Variants in ROBO2 observed in about 807,000 individuals in gnomAD.
ROBO2 encodes roundabout guidance receptor 2.
A neutral mutation model predicts 160.8 loss-of-function variants in ROBO2; 53 were observed. The ratio of observed to expected loss-of-function variants is 0.33; its 90% CI spans 0.26 to 0.41. The LOEUF (loss-of-function observed/expected upper bound fraction) is 0.41. Among genes scored for constraint, ROBO2 ranks in the 10% least tolerant of loss-of-function variants. ROBO2 has a pLI of 1.00. For missense variants in ROBO2, 1,577 were observed against 1,722.4 expected, an observed-to-expected ratio of 0.92 and a Z score of 1.49; for synonymous variants, 664 against 611.7, an observed-to-expected ratio of 1.09 and a Z score of -1.26.
At chr3:76,351,498 T>C (rs898487722) in intron 2 of ROBO2, among the ~76,000 whole-genome samples, 54 of 152,066 alleles carry the variant, frequency 3.6e-4, no homozygotes, top group African/African-American at 1.3e-3. Flanking sequence ...ACACTTAGAA[T>C]AGGGGTCCTG....
intron 2 of ROBO2, among the ~76,000 whole-genome samples, chr3:76,214,111 C>T (rs1269222925): frequency 2.0e-5 from 3 of 152,074 alleles, no homozygotes; most frequent in Non-Finnish European, 2.9e-5. Flanking sequence ...CACAATCCAC[C>T]CCTTGTCAAT....
At chr3:76,589,958 G>A (rs902857281) in intron 2 of ROBO2, among the ~76,000 whole-genome samples, 1 of 152,098 alleles carries the variant, frequency 6.6e-6, no homozygotes, top group Non-Finnish European at 1.5e-5. Flanking sequence ...TAGGCAGACA[G>A]CAGGATCTCA....
intron 2 of ROBO2, among the ~76,000 whole-genome samples, chr3:77,401,142 A>C (rs145246230): frequency 1.3e-5 from 2 of 152,208 alleles, no homozygotes; most frequent in East Asian, 3.9e-4. Context: ...GCCTTTGTTT[A>C]GATTACTTCC....
intron 2 of ROBO2, among the ~76,000 whole-genome samples, chr3:76,930,302 C>T (rs577003408): frequency 1.3e-4 from 20 of 152,204 alleles, no homozygotes; most frequent in Middle Eastern, 3.4e-3. Context: ...TCACCATGCC[C>T]GGCCTACTTT....
At chr3:77,227,412 T>G (rs1417460067) in intron 2 of ROBO2, among the ~76,000 whole-genome samples, 2 of 152,178 alleles carry the variant, frequency 1.3e-5, no homozygotes, top group African/African-American at 2.4e-5. Context: ...TAAATGAATT[T>G]GAACAAGATA....
rs1229166335 is a variant in ROBO2 at position 77,200,265 on chromosome 3, TTTTATATATA to T, written c.388+101927_388+101936del. Among the ~76,000 whole-genome samples, 220 of 59,040 alleles carry T rather than the reference TTTTATATATA, an allele frequency of 3.7e-3. 1 individual carries two copies. The highest frequency in any genetic ancestry group is 5.8e-3 in the Non-Finnish European group (168 of 29,034). 38.7% of individuals were successfully genotyped at this position (59,040 alleles called of 152,430 possible). On this transcript the variant is annotated intron_variant, in intron 2 of 25. Coordinates refer to ENST00000461745, the Ensembl canonical transcript of ROBO2. ...GTGTATGTATATCCTAACTAACATA[TTTTATATATA>T]TATATATATATATATATATATATAT...
chr3:76,855,519 A>C (rs2069961348), intron 2 of ROBO2, among the ~76,000 whole-genome samples: 1 of 152,234 alleles, frequency 6.6e-6, no homozygotes, highest in Non-Finnish European at 1.5e-5. Flanking sequence ...TTCTCTTTTG[A>C]TAAGATTGCA....
intron 2 of ROBO2, among the ~76,000 whole-genome samples, chr3:76,060,544 G>A (rs555038872): frequency 6.6e-6 from 1 of 152,290 alleles, no homozygotes; most frequent in East Asian, 1.9e-4. Context: ...TTCCACAAAA[G>A]GTGGTCATTT....
At chr3:76,071,013 A>G (rs1473357072) in intron 2 of ROBO2, among the ~76,000 whole-genome samples, 2 of 152,214 alleles carry the variant, frequency 1.3e-5, no homozygotes, top group African/African-American at 4.8e-5. Context: ...CAAAGGTAGC[A>G]TTTTATGATT....
At chr3:76,247,845 C>G (rs1340694748) in intron 2 of ROBO2, among the ~76,000 whole-genome samples, 1 of 151,802 alleles carries the variant, frequency 6.6e-6, no homozygotes, top group Non-Finnish European at 1.5e-5. Flanking sequence ...TGAACAGACA[C>G]TTCTCAAAAG....
At chr3:77,132,720 A>C (rs1273432110) in intron 2 of ROBO2, among the ~76,000 whole-genome samples, 1 of 151,698 alleles carries the variant, frequency 6.6e-6, no homozygotes, top group Non-Finnish European at 1.5e-5. Flanking sequence ...TAAGTACAAG[A>C]GTCTTTATTC....
intron 1 of ROBO2, among the ~76,000 whole-genome samples, chr3:77,091,089 C>T (rs1016009471): frequency 6.6e-6 from 1 of 152,132 alleles, no homozygotes; most frequent in African/African-American, 2.4e-5. Context: ...AAATACATTG[C>T]TTGGCTTGTG....
chr3:77,534,872 G>A (rs912930368), intron 6 of ROBO2, among the ~76,000 whole-genome samples: 1 of 152,110 alleles, frequency 6.6e-6, no homozygotes, highest in Admixed American at 6.5e-5. Context: ...CTTACATGTG[G>A]TGGGGGCACA....
Position 75,911,705 on chromosome 3 carries a change from A to C in ROBO2, c.-14+4745A>C, listed in dbSNP as rs1403815471. 3.3e-5 allele frequency among the ~76,000 whole-genome samples: 5 copies of C among 151,068 alleles called. No homozygotes were observed. The East Asian group carries it at 7.8e-4, about 24-fold the overall frequency. Reference sequence around the variant, plus strand: ...CCCGTGTAGCTGGGACTACAGGCGCACGCCACCATGCCCGGCTAATTTTTG... The same window carrying C: ...CCCGTGTAGCTGGGACTACAGGCGCCCGCCACCATGCCCGGCTAATTTTTG... On this transcript the variant is annotated intron_variant, in intron 1 of 26. Coordinates refer to the ROBO2 transcript ENST00000487694.
chr3:77,227,722 A>G (rs1375037964), intron 2 of ROBO2, among the ~76,000 whole-genome samples: 4 of 152,188 alleles, frequency 2.6e-5, no homozygotes, highest in Non-Finnish European at 5.9e-5. Context: ...GAGGTGGGGA[A>G]TTGGGGTGGA....
intron 2 of ROBO2, among the ~76,000 whole-genome samples, chr3:76,350,508 TGA>T (rs770900310): frequency 3.9e-5 from 6 of 152,086 alleles, no homozygotes; most frequent in Non-Finnish European, 8.8e-5. Flanking sequence ...CCAAATGTGC[TGA>T]GTTTTAACTA....
intron 2 of ROBO2, among the ~76,000 whole-genome samples, chr3:76,113,927 T>C (rs2070351913): frequency 6.6e-6 from 1 of 152,254 alleles, no homozygotes; most frequent in South Asian, 2.1e-4. Flanking sequence ...TCTTCCTCTC[T>C]TTCTTGCCCC....
At chr3:77,331,331 A>C (rs993957808) in intron 2 of ROBO2, among the ~76,000 whole-genome samples, 1 of 152,194 alleles carries the variant, frequency 6.6e-6, no homozygotes, top group African/African-American at 2.4e-5. Context: ...CTAGTGCCTT[A>C]GGGAGACTGT....
exon 8 of ROBO2, chr3:77,550,957 T>G (rs1449230631): frequency 7.4e-6 from 12 of 1,612,758 alleles, no homozygotes; most frequent in Non-Finnish European, 1.0e-5. Context: ...GCAGGAAGCA[T>G]TTTAGCAAAA....
Sources: allele counts gnomAD v4.1 joint callset (sites outside exome capture counted in the v4.1 genomes callset), GRCh38; gene constraint gnomAD v4.1.1; transcripts MANE v1.5; gene names NCBI Gene and HGNC (gene_info 2026-07-23, HGNC 2026-07-21).